Variants in NUCB2 observed in about 807,000 individuals in gnomAD.
NUCB2 encodes the protein nucleobindin-2.
A neutral mutation model predicts 57.9 loss-of-function variants in NUCB2; 48 were observed. That is an observed-to-expected ratio of 0.83 (90% confidence interval 0.66 to 1.05). The LOEUF is 1.05. Ranked by LOEUF, NUCB2 falls within the 50% of genes least tolerant of loss-of-function variation. The pLI, the probability that NUCB2 is intolerant of heterozygous loss-of-function variation, is 0.00. For missense variants in NUCB2, 442 were observed against 476.2 expected (o/e 0.93, Z 0.67); for synonymous variants, 139 against 152.1 (o/e 0.91, Z 0.64).
chr11:17,348,713 A>G (rs1309555466), intron 2 of NUCB2, among the ~76,000 whole-genome samples: 2 of 151,944 alleles, frequency 1.3e-5, no homozygotes, highest in Admixed American at 1.3e-4. Context: ...TGTGCCTGGC[A>G]GAGTTCAATA....
chr11:17,297,128 C>T (rs1945944857), intron 4 of NUCB2, among the ~76,000 whole-genome samples: 3 of 152,104 alleles, frequency 2.0e-5, no homozygotes, highest in South Asian at 4.1e-4. Context: ...ATCTTAGACT[C>T]AGTGAGTAAA....
chr11:17,283,156 T>G (rs945379860), intron 2 of NUCB2, among the ~76,000 whole-genome samples: 1 of 152,246 alleles, frequency 6.6e-6, no homozygotes, highest in African/African-American at 2.4e-5. Flanking sequence ...CTTTCAGTTC[T>G]TTTATCAGTG....
intron 2 of NUCB2, among the ~76,000 whole-genome samples, chr11:17,285,502 A>G (rs549243488): frequency 6.6e-6 from 1 of 150,956 alleles, no homozygotes; most frequent in East Asian, 2.0e-4. Context: ...GCTTAAACCC[A>G]GGAGGCGGAG....
intron 8 of NUCB2, 38 bp downstream of exon 8, chr11:17,311,321 T>C: frequency 7.1e-7 from 1 of 1,400,108 alleles, no homozygotes. Flanking sequence ...TTATATCTGC[T>C]GCTTGAAAAA....
chr11:17,341,589 G>T lies in NUCB2; in HGVS notation n.2626+4055G>T, dbSNP rs369024846. Among the ~76,000 whole-genome samples the T allele has an allele frequency of 3.3e-5, 5 of 151,064 alleles. No homozygotes were observed. The South Asian group carries it at 6.3e-4, about 19-fold the overall frequency. ...TTGAGATAATCATGTGGTTTTTGTC[G>T]TTGGTTCTGTTTATATGCTGGATTA... On this transcript the variant is annotated intron_variant and non_coding_transcript_variant, in intron 2 of 2. Transcript: ENST00000532240.
chr11:17,288,218 C>T (rs973764760), intron 2 of NUCB2, among the ~76,000 whole-genome samples: 2 of 152,052 alleles, frequency 1.3e-5, no homozygotes, highest in African/African-American at 4.8e-5. Flanking sequence ...CTATGATATG[C>T]CTAAAAATAC....
At chr11:17,285,917 A>G (rs1240837249) in intron 2 of NUCB2, among the ~76,000 whole-genome samples, 1 of 146,600 alleles carries the variant, frequency 6.8e-6, no homozygotes, top group African/African-American at 2.7e-5. Flanking sequence ...TCACACATAC[A>G]TGCGCGCACG....
intron 2 of NUCB2, among the ~76,000 whole-genome samples, chr11:17,289,027 G>A (rs576744843): frequency 7.3e-6 from 1 of 137,828 alleles, no homozygotes; most frequent in Non-Finnish European, 1.5e-5. Context: ...GTGCAGTCTC[G>A]CTCACTGCAA....
chr11:17,285,605 G>T (rs1231234797), intron 2 of NUCB2, among the ~76,000 whole-genome samples: 5 of 149,342 alleles, frequency 3.3e-5, no homozygotes, highest in African/African-American at 9.8e-5. Flanking sequence ...TTAGCTGGGC[G>T]TGGTGGCGGG....
At chr11:17,289,775 C>T (rs1341287952) in intron 2 of NUCB2, among the ~76,000 whole-genome samples, 2 of 152,170 alleles carry the variant, frequency 1.3e-5, no homozygotes, top group Admixed American at 1.3e-4. Flanking sequence ...CTTTTTACCA[C>T]CTTTAGCATT....
intron 11 of NUCB2, among the ~76,000 whole-genome samples, chr11:17,317,363 A>G (rs1384138918): frequency 1.3e-5 from 2 of 152,154 alleles, no homozygotes; most frequent in Admixed American, 6.6e-5. Flanking sequence ...TTAAGAGTAA[A>G]TTACACATCA....
chr11:17,307,289 ACCATCCTCCTTGGGT>A (rs1947820279), intron 5 of NUCB2, among the ~76,000 whole-genome samples: 1 of 151,702 alleles, frequency 6.6e-6, no homozygotes, highest in Non-Finnish European at 1.5e-5. Flanking sequence ...GTCCCCTAAC[ACCATCCTCCTTGGGT>A]TTATCTATTT....
At chr11:17,304,197 ATT>A (rs111938370) in intron 5 of NUCB2, among the ~76,000 whole-genome samples, 2 of 146,174 alleles carry the variant, frequency 1.4e-5, no homozygotes, top group African/African-American at 2.5e-5. Context: ...TTTAATTTTA[ATT>A]TTTTTTTTTT....
At chr11:17,343,089 A>G (rs986632714) in intron 2 of NUCB2, among the ~76,000 whole-genome samples, 1 of 150,840 alleles carries the variant, frequency 6.6e-6, no homozygotes, top group Non-Finnish European at 1.5e-5. Context: ...GTCTCTTTTG[A>G]TCTTTGTTGG....
chr11:17,289,763 A>G (rs1279887682), intron 2 of NUCB2, among the ~76,000 whole-genome samples: 27 of 152,232 alleles, frequency 1.8e-4, no homozygotes, highest in Admixed American at 1.7e-3. Context: ...TCTCGTATCA[A>G]TCTTTTTACC....
intron 10 of NUCB2, among the ~76,000 whole-genome samples, chr11:17,312,326 T>G (rs1223515841): frequency 6.6e-6 from 1 of 151,300 alleles, no homozygotes; most frequent in Non-Finnish European, 1.5e-5. Context: ...CTCAACCTCC[T>G]GGGCTCAAGC....
At chr11:17,284,461 A>G (rs1188468509) in intron 2 of NUCB2, among the ~76,000 whole-genome samples, 4 of 152,232 alleles carry the variant, frequency 2.6e-5, no homozygotes, top group Admixed American at 2.6e-4. Flanking sequence ...TGGAAATTGG[A>G]GTGAGAAAGA....
At chr11:17,311,144 C>T in intron 7 of NUCB2, 49 bp from the exon 8 acceptor site, 6 of 1,488,082 alleles carry the variant, frequency 4.0e-6, no homozygotes, top group Non-Finnish European at 5.5e-6. Context: ...TGAGTCTGTA[C>T]AGATAGATTA....
At chr11:17,320,863 T>G (rs1442182924) in intron 11 of NUCB2, among the ~76,000 whole-genome samples, 1 of 152,206 alleles carries the variant, frequency 6.6e-6, no homozygotes, top group Non-Finnish European at 1.5e-5. Flanking sequence ...TTAATTTTCT[T>G]GAGTATGTGA....
Sources: allele counts gnomAD v4.1 joint callset (sites outside exome capture counted in the v4.1 genomes callset), GRCh38; gene constraint gnomAD v4.1.1; transcripts MANE v1.5; gene names NCBI Gene and HGNC (gene_info 2026-07-23, HGNC 2026-07-21).